Variants in UQCC5 observed in about 807,000 individuals in gnomAD.
UQCC5 encodes the protein ubiquinol-cytochrome c reductase complex assembly factor 5.
chr3:52,536,769 C>T, the UQCC5 span: 7 of 1,551,740 alleles, frequency 4.5e-6, no homozygotes, highest in Non-Finnish European at 4.4e-6. Flanking sequence ...TTCACCAGGG[C>T]CCAGGTGAGA....
At chr3:52,537,103 A>C in the UQCC5 span, among the ~76,000 whole-genome samples, 1 of 151,994 alleles carries the variant, frequency 6.6e-6, no homozygotes, top group Non-Finnish European at 1.5e-5. Context: ...CAGCCTTGTG[A>C]CCTTCCCTGC....
At chr3:52,541,870 A>C in the UQCC5 span, 1 of 152,344 alleles carries the variant, frequency 6.6e-6, no homozygotes, top group Admixed American at 6.5e-5. Context: ...AATAGTAAAC[A>C]CTAATAAAAC....
the UQCC5 span, among the ~76,000 whole-genome samples, chr3:52,537,762 G>A: frequency 7.8e-6 from 1 of 129,018 alleles, no homozygotes; most frequent in Non-Finnish European, 1.7e-5. Context: ...TAGGACTCTC[G>A]GGTGGGCGCC....
chr3:52,541,390 A>G, the UQCC5 span: 1 of 152,258 alleles, frequency 6.6e-6, no homozygotes, highest in Non-Finnish European at 1.5e-5. Context: ...GCATGAGAAT[A>G]AAGCTGATGC....
the UQCC5 span, chr3:52,536,842 T>G: frequency 6.4e-7 from 1 of 1,551,692 alleles, no homozygotes; most frequent in African/African-American, 1.4e-5. Context: ...TGCCCTTCTT[T>G]TTTGTCCTGG....
At chr3:52,537,372 G>A in the UQCC5 span, among the ~76,000 whole-genome samples, 2 of 152,180 alleles carry the variant, frequency 1.3e-5, no homozygotes, top group Non-Finnish European at 2.9e-5. Context: ...CAGGTCTTTG[G>A]TCTGGGTCCA....
chr3:52,536,665 A>G, the UQCC5 span: 1 of 1,515,220 alleles, frequency 6.6e-7, no homozygotes, highest in South Asian at 1.3e-5. Flanking sequence ...AGGTCGCGGT[A>G]CACGGCGAGA....
chr3:52,537,010 C>G, the UQCC5 span: 1 of 1,443,552 alleles, frequency 6.9e-7, no homozygotes. Flanking sequence ...GCGCATTCCA[C>G]TCAGAGCGCT....
the UQCC5 span, chr3:52,536,703 G>A: frequency 1.3e-6 from 2 of 1,543,838 alleles, no homozygotes; most frequent in Non-Finnish European, 8.8e-7. Context: ...GGCTGCGTCC[G>A]GGCGATCCAG....
At chr3:52,538,309 A>C in the UQCC5 span, among the ~76,000 whole-genome samples, 1 of 152,210 alleles carries the variant, frequency 6.6e-6, no homozygotes, top group African/African-American at 2.4e-5. Flanking sequence ...TGCCGAACAC[A>C]GGCAGGGCCA....
chr3:52,537,354 A>T, the UQCC5 span, among the ~76,000 whole-genome samples: 2 of 152,188 alleles, frequency 1.3e-5, no homozygotes, highest in Non-Finnish European at 2.9e-5. Context: ...CAGGACAGTC[A>T]TTGGCACCAG....
chr3:52,536,988 A>G, the UQCC5 span: 1 of 1,514,862 alleles, frequency 6.6e-7, no homozygotes, highest in Non-Finnish European at 8.9e-7. Flanking sequence ...GAGTATTCTC[A>G]GATTGCAGAC....
At chr3:52,536,812 A>G in the UQCC5 span, 1 of 1,551,742 alleles carries the variant, frequency 6.4e-7, no homozygotes. Flanking sequence ...GGAAGCAGCG[A>G]TTTGGCATCT....
At chr3:52,539,927 G>A in the UQCC5 span, among the ~76,000 whole-genome samples, 9 of 152,316 alleles carry the variant, frequency 5.9e-5, no homozygotes, top group African/African-American at 2.2e-4. Flanking sequence ...GTGAGCCACT[G>A]TGCCCGGCCT....
At chr3:52,540,288 A>G in the UQCC5 span, 3 of 639,200 alleles carry the variant, frequency 4.7e-6, no homozygotes, top group Non-Finnish European at 7.9e-6. Flanking sequence ...TTTTAAGTTT[A>G]TTTTGGCATT....
chr3:52,536,672 G>T, the UQCC5 span: 3 of 1,521,978 alleles, frequency 2.0e-6, no homozygotes, highest in African/African-American at 1.4e-5. Context: ...GGTACACGGC[G>T]AGAACGGGCG....
At chr3:52,539,397 G>A in the UQCC5 span, among the ~76,000 whole-genome samples, 6 of 152,172 alleles carry the variant, frequency 3.9e-5, no homozygotes, top group Non-Finnish European at 7.4e-5. Context: ...AGGTAACGGG[G>A]GTTGTGGTAT....
chr3:52,539,494 G>T, the UQCC5 span, among the ~76,000 whole-genome samples: 1 of 152,186 alleles, frequency 6.6e-6, no homozygotes, highest in African/African-American at 2.4e-5. Context: ...ATGGGTAATG[G>T]TGGTATCTGG....
chr3:52,539,294 T>G, the UQCC5 span, among the ~76,000 whole-genome samples: 1 of 152,174 alleles, frequency 6.6e-6, no homozygotes, highest in Non-Finnish European at 1.5e-5. Flanking sequence ...TTAGCTGATT[T>G]GCCAGGAGAG....
Sources: allele counts gnomAD v4.1 joint callset (sites outside exome capture counted in the v4.1 genomes callset), GRCh38; gene constraint gnomAD v4.1.1; transcripts MANE v1.5; gene names NCBI Gene and HGNC (gene_info 2026-07-23, HGNC 2026-07-21).